Variants in EMILIN1 observed in about 807,000 individuals in gnomAD.
EMILIN1 encodes elastin microfibril interfacer 1.
In EMILIN1, 49 loss-of-function variants were observed where a neutral mutation model predicts 82.4. The ratio of observed to expected loss-of-function variants is 0.59; its 90% CI spans 0.47 to 0.75. The LOEUF (loss-of-function observed/expected upper bound fraction) is 0.75. Among genes scored for constraint, EMILIN1 ranks in the 30% least tolerant of loss-of-function variants. The pLI is 0.00. For missense variants in EMILIN1, 1,313 were observed against 1,366.4 expected, an observed-to-expected ratio of 0.96 and a Z score of 0.62; for synonymous variants, 604 against 602.2, an observed-to-expected ratio of 1.00 and a Z score of -0.04.
chr2:27,080,943 G>A lies in EMILIN1; in HGVS notation c.502G>A (p.Gly168Arg), dbSNP rs779408056. 6.3e-7 allele frequency: 1 copy of A among 1,585,660 alleles called. No individual in the cohort carries two copies. Among genetic ancestry groups the A allele is most frequent in the South Asian group, 1.1e-5 (1 of 88,170 alleles). Residue 168 changes from glycine to arginine, a missense_variant, in exon 3 of 8, where the codon GGG becomes AGG. By Grantham distance (125) the Gly-to-Arg change is moderately radical. Transcript: ENST00000380320. ...TGCAGGCAGCCCCCTCAGTGGACTG[G>A]GGGGAGAAGGTGAGTGTGGGAGCTG... ...SSAGSPLSGL[G>R]GEGPGESEKV...
chr2:27,081,117 G>A (rs866962610), intron 3 of EMILIN1, among the ~76,000 whole-genome samples, 165 bp downstream of exon 3: 1,500 of 145,068 alleles, frequency 0.01, 20 homozygotes, highest in African/African-American at 0.037. Context: ...CCGTGTGTGT[G>A]TGTGTGTGTG....
Position 27,083,570 on chromosome 2 carries a change from A to G in EMILIN1, c.1999A>G (p.Thr667Ala). ...TGACTCACTGAATGAGCTCCAGACC[A>G]CTGTGGAGGGCCAGGGCGCTGATCT... ...LNDSLNELQT[T>A]VEGQGADLAD... is the part of the protein sequence containing the mutation. Residue 667 changes from threonine to alanine, a missense_variant, in exon 4 of 8, where the codon ACT becomes GCT. Coordinates refer to ENST00000380320, the MANE Select transcript of EMILIN1 (RefSeq NM_007046.4). The G allele has an allele frequency of 6.2e-7, 1 of 1,614,030 alleles. No individual in the cohort carries two copies. Among genetic ancestry groups the G allele is most frequent in the South Asian group, 1.1e-5 (1 of 91,084 alleles).
rs1007402304 is a variant in EMILIN1, at chr2:27,082,019, G to A, written c.512-64G>A. 1.4e-5 allele frequency: 21 copies of A among 1,482,286 alleles called. 1 individual carries two copies. In the African/African-American group the frequency reaches 3.0e-4, roughly 21 times the overall value. The allele number at this position is 1,482,286 out of a possible 1,614,324, so 91.8% of individuals were successfully genotyped here. On this transcript the variant is annotated intron_variant, in intron 3 of 7. Coordinates refer to ENST00000380320, the MANE Select transcript of EMILIN1 (RefSeq NM_007046.4). ...GGCATCTGACCCTTGCTGGAGCTGG[G>A]GTGAGCAGGGGCCTTGAGCTCTGGG...
Position 27,085,306 on chromosome 2 carries a change from G to C in EMILIN1, c.2713+9G>C. On this transcript the variant is annotated intron_variant, in intron 7 of 7. Coordinates refer to ENST00000380320, the MANE Select transcript of EMILIN1 (RefSeq NM_007046.4). ...TTATGATCCAGAGACAGGTAGTCCT[G>C]GGAGGGGCTGGGTTGAACGGTTGGA... The C allele has an allele frequency of 3.1e-6, 5 of 1,613,902 alleles. No individual in the cohort carries two copies. The highest frequency in any genetic ancestry group is 4.2e-6 in the Non-Finnish European group (5 of 1,180,004).
rs754188187 is a variant in EMILIN1, at chr2:27,080,928, C to A, written c.487C>A (p.Pro163Thr). 2 of 1,598,378 alleles carry A rather than the reference C, an allele frequency of 1.3e-6. No homozygotes were observed. Among genetic ancestry groups the A allele is most frequent in the South Asian group, 2.2e-5 (2 of 89,170 alleles). The change falls in exon 3 of 8, where the codon CCC becomes ACC. Residue 163 changes from proline to threonine, a missense_variant. Pro to Thr is a conservative substitution (Grantham distance 38, BLOSUM62 -1). Coordinates refer to ENST00000380320, the MANE Select transcript of EMILIN1 (RefSeq NM_007046.4). ...PNLSGSSAGS[P>T]LSGLGGEGPG... ...CCTCTCTGGCTCCAGTGCAGGCAGC[C>A]CCCTCAGTGGACTGGGGGGAGAAGG...
At chr2:27,081,583 G>A (rs1669477755) in intron 3 of EMILIN1, among the ~76,000 whole-genome samples, 1 of 151,916 alleles carries the variant, frequency 6.6e-6, no homozygotes, top group Admixed American at 6.6e-5. Context: ...GTCACCCAGT[G>A]GTAGCTACTG....
chr2:27,086,201 C>A lies in EMILIN1; in HGVS notation c.*186C>A. 1 of 399,112 alleles carries A rather than the reference C, an allele frequency of 2.5e-6. No homozygotes were observed. 24.7% of individuals were successfully genotyped at this position (399,112 alleles called of 1,614,324 possible). On this transcript the variant is annotated 3_prime_UTR_variant, in exon 8 of 8. Transcript: ENST00000380320. ...GCGCCGGCTCAGGGAGGCTCGGGGC[C>A]GCCCATGCAGACTTTTGGCCTGGCG...
Position 27,085,183 on chromosome 2 carries a change from C to T in EMILIN1, c.2599C>T (p.Pro867Ser). The T allele has an allele frequency of 6.2e-7, 1 of 1,614,182 alleles. No individual in the cohort carries two copies. The highest frequency in any genetic ancestry group is 8.5e-7 in the Non-Finnish European group (1 of 1,180,046). Residue 867 changes from proline (P) to serine (S), a missense_variant, in exon 7 of 8, where the codon CCT (proline) becomes TCT (serine). Coordinates refer to ENST00000380320, the MANE Select transcript of EMILIN1 (RefSeq NM_007046.4). ...AGGAGTGGAGGGGGCACCAGCAGCC[C>T]CTGTGCCCCAAGTGGCATTTTCAGC... Reference protein sequence around the residue: ...EQGVEGAPAAPVPQVAFSAAL... With the variant: ...EQGVEGAPAASVPQVAFSAAL...
chr2:27,083,869 C>T lies in EMILIN1; in HGVS notation c.2298C>T (p.Asn766=), dbSNP rs1291126715. Residue 766 remains asparagine (N), a synonymous_variant, in exon 4 of 8, where the codon AAC becomes AAT. Transcript: ENST00000380320. ...TCTGGGCTGGGCTCCGGGAAACCAA[C>T]ACCACCAGCCAGATGCAGGCAGCCC... is the stretch of plus-strand genomic sequence containing the variant. ...AGLWAGLRET[N]TTSQMQAALL... is the part of the protein sequence containing the mutation. 1 of 1,608,114 alleles carries T rather than the reference C, an allele frequency of 6.2e-7. No individual in the cohort carries two copies.
rs1353032940 is a variant in EMILIN1 at position 27,082,610 on chromosome 2, C to T, written c.1039C>T (p.Arg347Cys). 3.9e-6 allele frequency: 6 copies of T among 1,543,338 alleles called. No homozygotes were observed. The highest frequency in any genetic ancestry group is 2.4e-5 in the South Asian group (2 of 84,086). ...QRHLAGLAVG[R>C]RPPQECCSPE... The stretch of plus-strand genomic sequence containing the variant: ...GCACCTCGCAGGGCTGGCGGTGGGC[C>T]GCAGGCCCCCTCAGGAATGCTGCTC... Residue 347 changes from arginine (R) to cysteine (C), a missense_variant, in exon 4 of 8, where the codon CGC becomes TGC. Coordinates refer to ENST00000380320, the MANE Select transcript of EMILIN1 (RefSeq NM_007046.4).
chr2:27,081,511 T>A (rs188834562), intron 3 of EMILIN1, among the ~76,000 whole-genome samples: 1 of 152,182 alleles, frequency 6.6e-6, no homozygotes, highest in Admixed American at 6.5e-5. Flanking sequence ...AAACAGGAAC[T>A]CCTGGCCAAC....
At position 27,082,915 on chromosome 2, in the gene EMILIN1, G is replaced by C; in HGVS notation, c.1344G>C (p.Gln448His). Residue 448 changes from glutamine (Q) to histidine (H), a missense_variant, in exon 4 of 8, where the codon CAG (glutamine) becomes CAC (histidine). Coordinates refer to ENST00000380320, the MANE Select transcript of EMILIN1 (RefSeq NM_007046.4). ...WLPAARGRLE[Q>H]LGGLLANVSG... The stretch of plus-strand genomic sequence containing the variant: ...CTGCTGCCCGGGGCCGACTAGAGCA[G>C]TTGGGGGGGCTGCTGGCCAATGTGA... The C allele has an allele frequency of 6.3e-7, 1 of 1,595,854 alleles. No homozygotes were observed. Among genetic ancestry groups the C allele is most frequent in the Non-Finnish European group, 8.5e-7 (1 of 1,176,800 alleles).
At position 27,086,156 on chromosome 2, in the gene EMILIN1, C is replaced by T; in HGVS notation, c.*141C>T. ...CGCAGCGGCACCGCGCCCAGAGCGG[C>T]CTCTCCCCACGCCCGGGGCGCGCCG... On this transcript the variant is annotated 3_prime_UTR_variant, in exon 8 of 8. Transcript: ENST00000380320. 1 of 561,190 alleles carries T rather than the reference C, an allele frequency of 1.8e-6. No individual in the cohort carries two copies. Among genetic ancestry groups the T allele is most frequent in the African/African-American group, 1.9e-5 (1 of 51,306 alleles). The allele number at this position is 561,190 out of a possible 1,614,324, so 34.8% of individuals were successfully genotyped here.
In EMILIN1 at chr2:27,085,757, CG is replaced by C. The variant is rs1558436363; in HGVS notation, c.2794del (p.Val932CysfsTer12). 6.2e-7 allele frequency: 1 copy of C among 1,611,808 alleles called. No homozygotes were observed. Among genetic ancestry groups the C allele is most frequent in the Non-Finnish European group, 8.5e-7 (1 of 1,179,072 alleles). On this transcript the variant is annotated frameshift_variant, in exon 8 of 8. Coordinates refer to ENST00000380320, the MANE Select transcript of EMILIN1 (RefSeq NM_007046.4). LOFTEE classifies it high-confidence loss of function. ...GGCACCGGCACGAGAAAGTGGAGGCCGTGCTGTCCCGCTCCAACCAGGGCGT... is the reference window on the plus strand; with the variant it reads ...GGCACCGGCACGAGAAAGTGGAGGCCTGCTGTCCCGCTCCAACCAGGGCGT... ...TGHRHEKVEA[V>X]LSRSNQGVAR...
chr2:27,084,667 GAAAATCAGAGGA>G (rs1479156781), intron 5 of EMILIN1, 136 bp downstream of exon 5: 1 of 644,962 alleles, frequency 1.6e-6, no homozygotes, highest in Non-Finnish European at 2.8e-6. Context: ...ACCGATAAGG[GAAAATCAGAGGA>G]AAGTGAGGAG....
Position 27,079,144 on chromosome 2 carries a change from C to T in EMILIN1, c.79C>T (p.Arg27Ter), listed in dbSNP as rs755203609. ...TGCAGGGGCCGCCAGCTACCCTCCT[C>T]GAGGTTTCAGCCTCTACACAGGTTC... is the stretch of plus-strand genomic sequence containing the variant. ...AAAGAASYPP[R>*]GFSLYTGSSG... Residue 27 changes from arginine (R) to a stop codon, truncating the protein, a stop_gained, in exon 1 of 8, where the codon CGA (arginine) becomes TGA (stop). Coordinates refer to ENST00000380320, the MANE Select transcript of EMILIN1 (RefSeq NM_007046.4). LOFTEE classifies it high-confidence loss of function. 1.2e-6 allele frequency: 2 copies of T among 1,604,292 alleles called. No individual in the cohort carries two copies. Among genetic ancestry groups the T allele is most frequent in the Non-Finnish European group, 1.7e-6 (2 of 1,175,774 alleles).
chr2:27,080,196 T>TGAGGATGGAGTG lies in EMILIN1; in HGVS notation c.220_231dup (p.Asp74_Glu77dup). ...TGACCCGGACAGTGAGCTGTGTCCT[T>TGAGGATGGAGTG]GAGGATGGAGTGGAGACATATGTCA... On this transcript the variant is annotated inframe_insertion, in exon 2 of 8. Coordinates refer to ENST00000380320, the MANE Select transcript of EMILIN1 (RefSeq NM_007046.4). 1 of 1,614,026 alleles carries TGAGGATGGAGTG rather than the reference T, an allele frequency of 6.2e-7. No homozygotes were observed. Among genetic ancestry groups the TGAGGATGGAGTG allele is most frequent in the African/African-American group, 1.3e-5 (1 of 75,036 alleles).
chr2:27,080,197 G>A lies in EMILIN1; in HGVS notation c.217G>A (p.Glu73Lys), dbSNP rs1472056883. The A allele has an allele frequency of 6.2e-7, 1 of 1,614,036 alleles. No individual in the cohort carries two copies. Among genetic ancestry groups the A allele is most frequent in the East Asian group, 2.2e-5 (1 of 44,890 alleles). Reference sequence around the variant, plus strand: ...GACCCGGACAGTGAGCTGTGTCCTTGAGGATGGAGTGGAGACATATGTCAA... The same window carrying A: ...GACCCGGACAGTGAGCTGTGTCCTTAAGGATGGAGTGGAGACATATGTCAA... ...VVTRTVSCVLEDGVETYVKYQ... is the reference protein window; with the variant it reads ...VVTRTVSCVLKDGVETYVKYQ... Residue 73 changes from glutamate to lysine, a missense_variant, in exon 2 of 8, where the codon GAG becomes AAG. Coordinates refer to ENST00000380320, the MANE Select transcript of EMILIN1 (RefSeq NM_007046.4).
chr2:27,079,791 A>G (rs1430787915), intron 1 of EMILIN1, among the ~76,000 whole-genome samples: 1 of 152,090 alleles, frequency 6.6e-6, no homozygotes, highest in African/African-American at 2.4e-5. Context: ...CAGATCACCC[A>G]CAGGGCCCGG....
Sources: allele counts gnomAD v4.1 joint callset (sites outside exome capture counted in the v4.1 genomes callset), GRCh38; gene constraint gnomAD v4.1.1; transcripts MANE v1.5; gene names NCBI Gene and HGNC (gene_info 2026-07-23, HGNC 2026-07-21).